Variants in CBR4 observed in about 807,000 individuals in gnomAD.
CBR4 encodes the protein carbonyl reductase 4.
A neutral mutation model predicts 21.0 loss-of-function variants in CBR4; 22 were observed. The observed-to-expected ratio is 1.05, with a 90% confidence interval of 0.75 to 1.50. CBR4 has a LOEUF of 1.50. Among genes scored for constraint, CBR4 ranks in the 40% most tolerant of loss-of-function variants. The pLI, the probability that CBR4 is intolerant of heterozygous loss-of-function variation, is 0.00. For synonymous variants in CBR4, 100 were observed against 104.4 expected (o/e 0.96, Z 0.26); for missense variants, 302 against 286.3 (o/e 1.05, Z -0.40).
intron 2 of CBR4, among the ~76,000 whole-genome samples, chr4:168,899,071 G>T (rs1250966502): frequency 3.3e-5 from 5 of 152,188 alleles, no homozygotes; most frequent in African/African-American, 1.2e-4. Context: ...GCCTGCATAT[G>T]AACCCAGTGC....
At chr4:168,895,241 G>A (rs946960800) in intron 2 of CBR4, among the ~76,000 whole-genome samples, 7 of 152,116 alleles carry the variant, frequency 4.6e-5, no homozygotes, top group African/African-American at 1.4e-4. Flanking sequence ...AATTAGCCAG[G>A]TGTGGTGACG....
chr4:168,930,431 CT>C (rs1365458258), intron 2 of CBR4, among the ~76,000 whole-genome samples: 1 of 152,142 alleles, frequency 6.6e-6, no homozygotes, highest in Non-Finnish European at 1.5e-5. Context: ...ATATTACTTA[CT>C]ATTCAGAGTT....
At chr4:168,931,726 C>T (rs1393986285) in intron 2 of CBR4, among the ~76,000 whole-genome samples, 1 of 152,182 alleles carries the variant, frequency 6.6e-6, no homozygotes, top group African/African-American at 2.4e-5. Context: ...CACACACATG[C>T]CCCCAATTTG....
At chr4:168,918,492 CATA>C (rs999402834) in intron 2 of CBR4, among the ~76,000 whole-genome samples, 1 of 152,016 alleles carries the variant, frequency 6.6e-6, no homozygotes, top group Admixed American at 6.6e-5. Context: ...AAGTTGAACT[CATA>C]GTAGAGAATA....
At chr4:168,990,403 A>G in intron 4 of CBR4, 75 bp from the exon 5 acceptor site, 2 of 1,282,932 alleles carry the variant, frequency 1.6e-6, no homozygotes, top group Non-Finnish European at 2.0e-6. Context: ...AAAATAATAA[A>G]TTTGTTTCTG....
intron 2 of CBR4, among the ~76,000 whole-genome samples, chr4:168,938,954 G>C (rs1158733236): frequency 6.6e-6 from 1 of 152,114 alleles, no homozygotes; most frequent in African/African-American, 2.4e-5. Flanking sequence ...TATGAGGCCA[G>C]CATCATCCTG....
intron 3 of CBR4, among the ~76,000 whole-genome samples, chr4:169,003,815 G>A (rs987785084): frequency 6.6e-6 from 1 of 152,122 alleles, no homozygotes. Context: ...GAATGAAATT[G>A]GAAATCATTC....
chr4:168,899,662 A>G (rs1756026519), intron 2 of CBR4, among the ~76,000 whole-genome samples: 1 of 152,210 alleles, frequency 6.6e-6, no homozygotes, highest in Non-Finnish European at 1.5e-5. Context: ...CACGCCTGTA[A>G]TCCCAGCATT....
rs564799716 is a variant in CBR4, at chr4:168,952,630, CCT to C, written n.169+49439_169+49440del. On this transcript the variant is annotated intron_variant and non_coding_transcript_variant, in intron 2 of 3. Coordinates refer to the CBR4 transcript ENST00000509108. ...GTGTTCCCTTGATGTAGCACTCTCC[CCT>C]TTTTCCTATGGATGTGGCTTCCTGA... Among the ~76,000 whole-genome samples, 1,048 of 152,260 alleles carry C rather than the reference CCT, an allele frequency of 6.9e-3. 15 individuals are homozygous for C. The highest frequency in any genetic ancestry group is 0.024 in the African/African-American group (987 of 41,536).
chr4:168,992,192 C>T (rs930966829), intron 4 of CBR4, among the ~76,000 whole-genome samples: 1 of 152,104 alleles, frequency 6.6e-6, no homozygotes, highest in African/African-American at 2.4e-5. Flanking sequence ...CTGAAACAAG[C>T]TGAATGTCTT....
chr4:168,951,080 G>A (rs1038988284), intron 2 of CBR4, among the ~76,000 whole-genome samples: 2 of 151,724 alleles, frequency 1.3e-5, no homozygotes, highest in Non-Finnish European at 2.9e-5. Flanking sequence ...TTTTTTTTGA[G>A]ATGGAGTTTC....
At chr4:168,926,744 C>CTGAT (rs777813815) in intron 2 of CBR4, 2 of 260,902 alleles carry the variant, frequency 7.7e-6, no homozygotes, top group African/African-American at 2.2e-5. Context: ...GCTGTGTAGC[C>CTGAT]TGATAGTGTG....
At chr4:168,946,786 T>G (rs577666183) in intron 2 of CBR4, among the ~76,000 whole-genome samples, 1 of 152,136 alleles carries the variant, frequency 6.6e-6, no homozygotes, top group Non-Finnish European at 1.5e-5. Context: ...TTTTTAAGCA[T>G]GTAAAATGGT....
intron 2 of CBR4, among the ~76,000 whole-genome samples, chr4:168,938,836 G>A (rs1314882283): frequency 6.6e-6 from 1 of 152,168 alleles, no homozygotes; most frequent in East Asian, 1.9e-4. Flanking sequence ...TCCAGGACTA[G>A]ACGGATTCAC....
rs1286519947 is a variant in CBR4, at chr4:168,968,192, CAT to C, written n.169+33877_169+33878del. ...ACTGCCCTTTTTTATGACTTTCTAACATAGCCCTTATATTTTCTACAGGAACA... is the reference window on the plus strand; with the variant it reads ...ACTGCCCTTTTTTATGACTTTCTAACAGCCCTTATATTTTCTACAGGAACA... On this transcript the variant is annotated intron_variant and non_coding_transcript_variant, in intron 2 of 3. Transcript: ENST00000509108. 3.3e-5 allele frequency among the ~76,000 whole-genome samples: 5 copies of C among 152,310 alleles called. No homozygotes were observed. The East Asian group carries it at 9.6e-4, about 29-fold the overall frequency.
In CBR4 at chr4:168,932,252, A is replaced by G. The variant is rs111463388; in HGVS notation, n.170-37487T>C. Among the ~76,000 whole-genome samples the G allele has an allele frequency of 5.8e-3, 888 of 152,110 alleles. 7 individuals are homozygous for G. Among genetic ancestry groups the G allele is most frequent in the Admixed American group, 5.8e-3 (88 of 15,288 alleles). On this transcript the variant is annotated intron_variant and non_coding_transcript_variant, in intron 2 of 3. Coordinates refer to the CBR4 transcript ENST00000509108. ...ATTCAACAAAGAACATAAAAAAAAA[A>G]AACCCAACAGAAATCTTAGAGTTGA...
chr4:168,916,013 A>G (rs1560916881), intron 2 of CBR4: 1 of 1,613,956 alleles, frequency 6.2e-7, no homozygotes, highest in Non-Finnish European at 8.5e-7. Context: ...AAAACTCTGC[A>G]GAATGGACTG....
intron 2 of CBR4, among the ~76,000 whole-genome samples, chr4:168,967,508 T>TA (rs1181949129): frequency 1.3e-5 from 2 of 152,042 alleles, no homozygotes; most frequent in African/African-American, 4.8e-5. Flanking sequence ...AGTATAATTT[T>TA]AAAAAAACAG....
At chr4:168,968,799 C>T (rs746920851) in intron 2 of CBR4, among the ~76,000 whole-genome samples, 2 of 152,148 alleles carry the variant, frequency 1.3e-5, no homozygotes, top group African/African-American at 4.8e-5. Flanking sequence ...GTATTATTTC[C>T]GATTTACTAT....
Sources: gnomAD v4.1 joint callset for allele counts (sites outside exome capture counted in the v4.1 genomes callset) on GRCh38, gnomAD v4.1.1 for gene constraint, MANE v1.5 for transcripts, NCBI Gene and HGNC (gene_info 2026-07-23, HGNC 2026-07-21) for gene names.